LRMDA: variants seen among roughly 807,000 people sequenced by gnomAD.
The protein encoded by LRMDA is leucine-rich melanocyte differentiation-associated protein.
Under a neutral mutation model 29.8 loss-of-function variants are expected in LRMDA, and 18 were observed. The ratio of observed to expected loss-of-function variants is 0.60; its 90% CI spans 0.42 to 0.90. The LOEUF is 0.90. Ranked by LOEUF, LRMDA falls within the 40% of genes least tolerant of loss-of-function variation. The probability of loss-of-function intolerance (pLI) is 0.00; values close to 1 mark genes in which losing one functional copy is unlikely to be tolerated. For synonymous variants in LRMDA, 125 were observed against 109.4 expected (o/e 1.14, Z -0.89); for missense variants, 273 against 273.9 (o/e 1.00, Z 0.02).
At chr10:76,055,206 A>G (rs1402267213) in intron 4 of LRMDA, among the ~76,000 whole-genome samples, 1 of 151,890 alleles carries the variant, frequency 6.6e-6, no homozygotes. Context: ...AACCCAGGGT[A>G]GGAAAAGGAC....
chr10:76,355,743 A>G (rs1264081079), intron 6 of LRMDA, among the ~76,000 whole-genome samples: 1 of 152,202 alleles, frequency 6.6e-6, no homozygotes, highest in Admixed American at 6.5e-5. Flanking sequence ...TATGAAGTGT[A>G]AAGAGTTGCA....
intron 5 of LRMDA, among the ~76,000 whole-genome samples, chr10:76,134,386 T>G (rs1850056170): frequency 6.6e-6 from 1 of 152,242 alleles, no homozygotes; most frequent in Non-Finnish European, 1.5e-5. Flanking sequence ...TTGGTGGTGA[T>G]GCTGACTCCT....
intron 2 of LRMDA, among the ~76,000 whole-genome samples, chr10:75,765,036 G>GA (rs1245505573): frequency 6.6e-6 from 1 of 150,692 alleles, no homozygotes; most frequent in East Asian, 1.9e-4. Context: ...GTAAAATAAA[G>GA]AAAAAAATAT....
At chr10:75,646,014 G>T (rs1841515562) in intron 2 of LRMDA, among the ~76,000 whole-genome samples, 2 of 148,460 alleles carry the variant, frequency 1.3e-5, no homozygotes, top group Admixed American at 1.3e-4. Flanking sequence ...TCCTCTATCT[G>T]TACTCCTAAA....
At chr10:75,512,683 G>T (rs1490284390) in intron 2 of LRMDA, among the ~76,000 whole-genome samples, 1 of 152,140 alleles carries the variant, frequency 6.6e-6, no homozygotes, top group East Asian at 1.9e-4. Context: ...ATGGGCGGAG[G>T]AGCAGCAGCG....
chr10:75,634,795 GCAAA>G (rs1841370683), intron 2 of LRMDA, among the ~76,000 whole-genome samples: 2 of 151,902 alleles, frequency 1.3e-5, no homozygotes, highest in African/African-American at 4.8e-5. Flanking sequence ...AATTCATATA[GCAAA>G]CAAAAATGGA....
At chr10:76,094,957 A>G (rs538668609) in intron 5 of LRMDA, among the ~76,000 whole-genome samples, 80 of 152,284 alleles carry the variant, frequency 5.3e-4, no homozygotes, top group East Asian at 2.9e-3. Context: ...ATTGAGATAG[A>G]ATCTATTGAA....
intron 2 of LRMDA, among the ~76,000 whole-genome samples, chr10:75,650,080 T>C (rs1841577855): frequency 6.6e-6 from 1 of 152,238 alleles, no homozygotes; most frequent in South Asian, 2.1e-4. Context: ...GCCTTTGTAC[T>C]CTGTTGATAG....
At chr10:75,706,201 A>G (rs901017272) in intron 2 of LRMDA, among the ~76,000 whole-genome samples, 2 of 151,900 alleles carry the variant, frequency 1.3e-5, no homozygotes, top group Admixed American at 6.5e-5. Flanking sequence ...AATTTTAAAC[A>G]TATTTTAAAA....
At chr10:76,288,104 C>T (rs867427384) in intron 5 of LRMDA, among the ~76,000 whole-genome samples, 1 of 152,022 alleles carries the variant, frequency 6.6e-6, no homozygotes, top group East Asian at 1.9e-4. Context: ...AATAGAAGTG[C>T]TTTGTTGGAA....
rs3998129 is a variant in LRMDA at position 76,188,935 on chromosome 10, T to TACACACACACACACAC, written c.516+130172_516+130187dup. Among the ~76,000 whole-genome samples, 561 of 141,698 alleles carry TACACACACACACACAC rather than the reference T, an allele frequency of 4.0e-3. 6 individuals carry two copies. Among genetic ancestry groups the TACACACACACACACAC allele is most frequent in the African/African-American group, 0.013 (529 of 39,808 alleles). 93.0% of individuals were successfully genotyped at this position (141,698 alleles called of 152,430 possible). On this transcript the variant is annotated intron_variant, in intron 5 of 6. Transcript: ENST00000611255. ...ATGCCTCTAGGCGAATGATTGCATGTACACACACACACACACACACACACA... is the reference window on the plus strand; with the variant it reads ...ATGCCTCTAGGCGAATGATTGCATGTACACACACACACACACACACACACACACACACACACACACA...
intron 6 of LRMDA, among the ~76,000 whole-genome samples, chr10:76,486,979 T>C (rs559039077): frequency 6.6e-6 from 1 of 152,054 alleles, no homozygotes; most frequent in East Asian, 2.0e-4. Context: ...ATGCTAAAGA[T>C]GAACAGGTTA....
intron 2 of LRMDA, among the ~76,000 whole-genome samples, chr10:75,969,909 A>G (rs953089702): frequency 1.3e-5 from 2 of 152,194 alleles, no homozygotes; most frequent in Admixed American, 1.3e-4. Context: ...CATAGACAGT[A>G]TTTGGGATAT....
chr10:75,483,194 G>A (rs561070948), intron 2 of LRMDA, among the ~76,000 whole-genome samples: 2 of 152,212 alleles, frequency 1.3e-5, no homozygotes, highest in Admixed American at 1.3e-4. Context: ...CAATCCACCC[G>A]CCTCAGCCTC....
At chr10:75,901,073 G>C (rs1845662706) in intron 2 of LRMDA, among the ~76,000 whole-genome samples, 2 of 152,212 alleles carry the variant, frequency 1.3e-5, no homozygotes, top group Admixed American at 1.3e-4. Context: ...GAGAAAGAGA[G>C]AGAGGGAGAC....
intron 6 of LRMDA, among the ~76,000 whole-genome samples, chr10:76,478,102 A>C (rs182886163): frequency 1.6e-4 from 25 of 152,302 alleles, no homozygotes; most frequent in Admixed American, 1.5e-3. Context: ...AACTACCATC[A>C]GAGTGAATAG....
intron 2 of LRMDA, among the ~76,000 whole-genome samples, chr10:75,740,234 C>T (rs546179922): frequency 3.3e-5 from 5 of 152,292 alleles, no homozygotes; most frequent in African/African-American, 7.2e-5. Flanking sequence ...GATGGAGGTG[C>T]GATGTTCAGA....
intron 5 of LRMDA, among the ~76,000 whole-genome samples, chr10:76,149,797 G>T (rs554590458): frequency 2.0e-5 from 3 of 152,302 alleles, no homozygotes; most frequent in South Asian, 4.1e-4. Context: ...TGTCCCTGGA[G>T]GGGGTGGGGA....
chr10:76,292,110 G>A (rs570047915), intron 5 of LRMDA, among the ~76,000 whole-genome samples: 1 of 152,192 alleles, frequency 6.6e-6, no homozygotes, highest in Non-Finnish European at 1.5e-5. Flanking sequence ...AAATTATCTG[G>A]TGCAGGCCAA....
Sources: allele counts gnomAD v4.1 joint callset (sites outside exome capture counted in the v4.1 genomes callset), GRCh38; gene constraint gnomAD v4.1.1; transcripts MANE v1.5; gene names NCBI Gene and HGNC (gene_info 2026-07-23, HGNC 2026-07-21).